The following DNAH6 variants were observed in gnomAD, a reference collection of about 807,000 sequenced individuals.
The protein encoded by DNAH6 is dynein axonemal heavy chain 6, also known as axonemal beta dynein heavy chain 6.
A neutral mutation model predicts 491.4 loss-of-function variants in DNAH6; 340 were observed. The ratio of observed to expected loss-of-function variants is 0.69; its 90% CI spans 0.63 to 0.76. DNAH6 has a LOEUF of 0.76. DNAH6 is among the 30% of genes least tolerant of loss of function. DNAH6 has a pLI of 0.00. For missense variants in DNAH6, 4,443 were observed against 4,972.2 expected (o/e 0.89, Z 3.20); for synonymous variants, 1,603 against 1,686.1 (o/e 0.95, Z 1.21).
chr2:84,654,544 C>T, intron 34 of DNAH6, 116 bp from the exon 35 acceptor site: 2 of 1,331,134 alleles, frequency 1.5e-6, no homozygotes, highest in Non-Finnish European at 2.0e-6. Context: ...ACATGAAGCC[C>T]TTCAGTGTTG....
the DNAH6 span, among the ~76,000 whole-genome samples, chr2:84,507,393 T>C: frequency 1.3e-5 from 2 of 152,242 alleles, no homozygotes; most frequent in Non-Finnish European, 2.9e-5. Flanking sequence ...ATAAGAATGC[T>C]TGTGATTTTT....
intron 60 of DNAH6, among the ~76,000 whole-genome samples, chr2:84,725,459 A>G (rs1469500526): frequency 6.6e-6 from 1 of 152,192 alleles, no homozygotes; most frequent in Non-Finnish European, 1.5e-5. Context: ...TTGGGTTCTT[A>G]TATCTCTGCT....
intron 47 of DNAH6, 115 bp from the exon 48 acceptor site, chr2:84,699,479 A>T (rs1296521864): frequency 9.1e-6 from 8 of 878,302 alleles, no homozygotes; most frequent in Non-Finnish European, 1.4e-5. Flanking sequence ...TTACATATCT[A>T]CTATGCTGAC....
At chr2:84,740,094 G>A (rs553683709) in intron 62 of DNAH6, among the ~76,000 whole-genome samples, 1 of 151,828 alleles carries the variant, frequency 6.6e-6, no homozygotes, top group South Asian at 2.1e-4. Context: ...TGACTGTGAT[G>A]TATATTGTGT....
intron 52 of DNAH6, among the ~76,000 whole-genome samples, chr2:84,706,418 T>G (rs1328954090): frequency 6.6e-6 from 1 of 152,238 alleles, no homozygotes; most frequent in African/African-American, 2.4e-5. Flanking sequence ...TGAAATATTA[T>G]TCTTTTAAAG....
chr2:84,671,980 G>A (rs1393683598), intron 39 of DNAH6, among the ~76,000 whole-genome samples: 1 of 152,258 alleles, frequency 6.6e-6, no homozygotes, highest in African/African-American at 2.4e-5. Context: ...GAAAGAAAAT[G>A]ATGTTCCTCA....
intron 10 of DNAH6, 97 bp downstream of exon 10, chr2:84,553,131 C>T: frequency 4.5e-6 from 3 of 673,840 alleles, no homozygotes. Flanking sequence ...GCAGTTGTCA[C>T]CACTCCAAGA....
chr2:84,525,852 C>A, intron 3 of DNAH6, 114 bp downstream of exon 3: 4 of 767,262 alleles, frequency 5.2e-6, no homozygotes, highest in Non-Finnish European at 8.2e-6. Context: ...TATAAGGTTG[C>A]ATAATGAGTT....
intron 64 of DNAH6, among the ~76,000 whole-genome samples, chr2:84,773,690 C>T (rs146998913): frequency 2.6e-5 from 4 of 151,978 alleles, no homozygotes; most frequent in Non-Finnish European, 5.9e-5. Flanking sequence ...AACAAATGCA[C>T]AGTTTATACA....
chr2:84,486,731 AAAG>A, the DNAH6 span, among the ~76,000 whole-genome samples: 1 of 152,202 alleles, frequency 6.6e-6, no homozygotes, highest in African/African-American at 2.4e-5. Context: ...CCATGGCAAG[AAAG>A]AAGGAGTTTT....
chr2:84,619,453 A>G (rs1160642577), intron 23 of DNAH6, among the ~76,000 whole-genome samples: 1 of 152,186 alleles, frequency 6.6e-6, no homozygotes, highest in African/African-American at 2.4e-5. Flanking sequence ...TCTTTTATGT[A>G]CTAGACACTA....
chr2:84,753,080 A>G (rs893786763), intron 63 of DNAH6, among the ~76,000 whole-genome samples: 1 of 152,034 alleles, frequency 6.6e-6, no homozygotes, highest in African/African-American at 2.4e-5. Context: ...TATCTTTTTT[A>G]TTATAGCCAT....
chr2:84,525,523 C>T (rs770195977), intron 2 of DNAH6, 42 bp from the exon 3 acceptor site: 22 of 1,504,516 alleles, frequency 1.5e-5, no homozygotes, highest in Middle Eastern at 1.7e-4. Flanking sequence ...CAAGTTTATA[C>T]GAATGTTAAT....
chr2:84,625,692 A>G (rs1370987210), intron 29 of DNAH6, among the ~76,000 whole-genome samples: 1 of 152,186 alleles, frequency 6.6e-6, no homozygotes, highest in African/African-American at 2.4e-5. Context: ...AAAACTTCCA[A>G]ACAAAAAACA....
the DNAH6 span, among the ~76,000 whole-genome samples, chr2:84,496,603 A>G: frequency 1.3e-5 from 2 of 152,242 alleles, no homozygotes; most frequent in East Asian, 1.9e-4. Context: ...CAAAGATTCT[A>G]ATTCATCAGA....
chr2:84,771,281 T>A (rs1675578304), intron 64 of DNAH6, among the ~76,000 whole-genome samples: 1 of 146,506 alleles, frequency 6.8e-6, no homozygotes, highest in African/African-American at 2.5e-5. Context: ...AGAACGAAAC[T>A]CAGTCTCAAA....
chr2:84,545,788 A>T (rs1678718864), intron 5 of DNAH6, among the ~76,000 whole-genome samples: 1 of 152,166 alleles, frequency 6.6e-6, no homozygotes, highest in Non-Finnish European at 1.5e-5. Context: ...ACTAGGGCTG[A>T]TTCCCCTAGA....
chr2:84,462,646 C>A, the DNAH6 span, among the ~76,000 whole-genome samples: 1 of 152,222 alleles, frequency 6.6e-6, no homozygotes, highest in African/African-American at 2.4e-5. Context: ...CAAAACATTA[C>A]TGGTATTAAA....
intron 71 of DNAH6, among the ~76,000 whole-genome samples, chr2:84,807,522 C>T (rs1679531893): frequency 6.6e-6 from 1 of 152,202 alleles, no homozygotes; most frequent in African/African-American, 2.4e-5. Flanking sequence ...GCGATAAACA[C>T]TAAGTCTCTC....
Sources: gnomAD v4.1 joint callset for allele counts (sites outside exome capture counted in the v4.1 genomes callset) on GRCh38, gnomAD v4.1.1 for gene constraint, MANE v1.5 for transcripts, NCBI Gene and HGNC (gene_info 2026-07-23, HGNC 2026-07-21) for gene names.